SMAD1: variants seen among roughly 807,000 people sequenced by gnomAD.
SMAD1 encodes SMAD family member 1.
In SMAD1, 6 loss-of-function variants were observed where a neutral mutation model predicts 41.6. That is an observed-to-expected ratio of 0.14 (90% CI 0.08 to 0.28). The LOEUF (loss-of-function observed/expected upper bound fraction) is 0.28. SMAD1 is among the 10% of genes least tolerant of loss of function. The pLI, the probability that SMAD1 is intolerant of heterozygous loss-of-function variation, is 1.00. For synonymous variants in SMAD1, 206 were observed against 203.2 expected (o/e 1.01, Z -0.12); for missense variants, 379 against 582.6 (o/e 0.65, Z 3.60).
At chr4:145,536,278 A>G (rs777123976) in intron 2 of SMAD1, among the ~76,000 whole-genome samples, 9 of 152,166 alleles carry the variant, frequency 5.9e-5, no homozygotes, top group Non-Finnish European at 1.0e-4. Context: ...CAGTAGACAT[A>G]CAGAAGACAG....
At position 145,558,486 on chromosome 4, in the gene SMAD1, C is replaced by T. The variant is rs1732968397; in HGVS notation, c.*552C>T. Among the ~76,000 whole-genome samples, 3 of 152,062 alleles carry T rather than the reference C, an allele frequency of 2.0e-5. No individual in the cohort carries two copies. The South Asian group carries it at 6.2e-4, about 32-fold the overall frequency. On this transcript the variant is annotated 3_prime_UTR_variant, in exon 7 of 7. Coordinates refer to ENST00000302085, the MANE Select transcript of SMAD1 (RefSeq NM_005900.3). Reference sequence around the variant, plus strand: ...TAATCTTTCTAAAATTGTATGCTGACCATACTTGCTGTCAGAATAATGCTA... The same window carrying T: ...TAATCTTTCTAAAATTGTATGCTGATCATACTTGCTGTCAGAATAATGCTA...
intron 2 of SMAD1, among the ~76,000 whole-genome samples, chr4:145,528,965 G>A (rs1731178906): frequency 6.6e-6 from 1 of 152,196 alleles, no homozygotes; most frequent in Admixed American, 6.5e-5. Context: ...CCTAGGATCA[G>A]AGTTGTTCAG....
chr4:145,527,316 C>T (rs893913287), intron 2 of SMAD1, among the ~76,000 whole-genome samples: 5 of 151,352 alleles, frequency 3.3e-5, no homozygotes, highest in Non-Finnish European at 5.9e-5. Flanking sequence ...CTCCGCCTCC[C>T]GGGTTCACGC....
At chr4:145,505,051 T>C (rs1257072985) in intron 1 of SMAD1, among the ~76,000 whole-genome samples, 1 of 152,230 alleles carries the variant, frequency 6.6e-6, no homozygotes, top group Non-Finnish European at 1.5e-5. Flanking sequence ...ATTTTTCAGG[T>C]GTCTTTATTA....
rs1272555677 is a variant in SMAD1, at chr4:145,481,996, C to A, written c.-219C>A. 1 of 152,014 alleles carries A rather than the reference C, an allele frequency of 6.6e-6. No homozygotes were observed. Among genetic ancestry groups the A allele is most frequent in the East Asian group, 1.9e-4 (1 of 5,146 alleles). The allele number at this position is 152,014 out of a possible 1,614,324, so 9.4% of individuals were successfully genotyped here. A position where few individuals can be genotyped will look rare whatever the true frequency, so the allele number is the denominator to read the frequency against. The stretch of plus-strand genomic sequence containing the variant: ...CCCGGGCCGCGAGACCCCGCTCGCC[C>A]GGCCACTCGTGCTCCCACACGGACG... On this transcript the variant is annotated 5_prime_UTR_variant, in exon 1 of 7. Transcript: ENST00000302085.
chr4:145,505,488 G>A (rs1729716878), intron 1 of SMAD1, among the ~76,000 whole-genome samples: 1 of 151,992 alleles, frequency 6.6e-6, no homozygotes, highest in Non-Finnish European at 1.5e-5. Context: ...GCGTGGTGGT[G>A]GGCACCTGTA....
In SMAD1 at chr4:145,505,767, G is replaced by A. The variant is rs76707645; in HGVS notation, c.-176-8671G>A. Among the ~76,000 whole-genome samples, 650 of 152,146 alleles carry A rather than the reference G, an allele frequency of 4.3e-3. 10 individuals carry two copies. Among genetic ancestry groups the A allele is most frequent in the East Asian group, 0.04 (207 of 5,186 alleles). ...CTATCTGTTTAAGAATATATCTGGC[G>A]ATGTAAGTCTGGAAATACGCACTTA... is the stretch of plus-strand genomic sequence containing the variant. On this transcript the variant is annotated intron_variant, in intron 1 of 6. Transcript: ENST00000302085.
intron 6 of SMAD1, among the ~76,000 whole-genome samples, chr4:145,556,024 TTATTA>T (rs1195846704): frequency 5.6e-4 from 86 of 152,286 alleles, no homozygotes; most frequent in African/African-American, 2.0e-3. Context: ...AAACTGTTCT[TTATTA>T]TAAGGACTGC....
chr4:145,504,436 A>C (rs948674374), intron 1 of SMAD1, among the ~76,000 whole-genome samples: 6 of 152,358 alleles, frequency 3.9e-5, no homozygotes, highest in African/African-American at 1.4e-4. Context: ...CCTTAAGGGT[A>C]GATATTTATC....
At chr4:145,512,459 AT>A (rs763088624) in intron 1 of SMAD1, among the ~76,000 whole-genome samples, 1 of 152,068 alleles carries the variant, frequency 6.6e-6, no homozygotes, top group East Asian at 1.9e-4. Flanking sequence ...TAGTATGAGC[AT>A]TTTTTACCAG....
At chr4:145,493,241 A>G (rs1426006463) in intron 1 of SMAD1, among the ~76,000 whole-genome samples, 1 of 152,158 alleles carries the variant, frequency 6.6e-6, no homozygotes, top group Non-Finnish European at 1.5e-5. Flanking sequence ...AATGCCAGGA[A>G]AATCGGTCTT....
intron 1 of SMAD1, among the ~76,000 whole-genome samples, chr4:145,509,432 G>C (rs1055932695): frequency 1.1e-4 from 17 of 152,074 alleles, no homozygotes; most frequent in Non-Finnish European, 7.3e-5. Context: ...TATATAATAC[G>C]TTGCCCAACA....
chr4:145,487,142 C>T (rs1578729955), intron 1 of SMAD1, among the ~76,000 whole-genome samples: 1 of 152,128 alleles, frequency 6.6e-6, no homozygotes, highest in Middle Eastern at 3.4e-3. Context: ...ATCAATGAGA[C>T]CTTATTAGAA....
rs397938427 is a variant in SMAD1, at chr4:145,495,779, C to CTT, written c.-177+13759_-177+13760dup. ...TACAGGCATGCACCACAGTGCTTGGCTTTTTTTTTTTTTTTTTTTAAATAA... is the reference window on the plus strand; with the variant it reads ...TACAGGCATGCACCACAGTGCTTGGCTTTTTTTTTTTTTTTTTTTTTAAATAA... On this transcript the variant is annotated intron_variant, in intron 1 of 6. Transcript: ENST00000302085. Among the ~76,000 whole-genome samples the CTT allele has an allele frequency of 4.6e-4, 54 of 117,464 alleles. 1 individual carries two copies. The highest frequency in any genetic ancestry group is 9.4e-4 in the East Asian group (4 of 4,236). The allele number at this position is 117,464 out of a possible 152,430, so 77.1% of individuals were successfully genotyped here.
intron 1 of SMAD1, among the ~76,000 whole-genome samples, chr4:145,492,277 G>T (rs1728812151): frequency 6.6e-6 from 1 of 152,158 alleles, no homozygotes; most frequent in East Asian, 1.9e-4. Flanking sequence ...TGAAGGTTCA[G>T]TCCCACCCAC....
intron 5 of SMAD1, among the ~76,000 whole-genome samples, chr4:145,549,210 A>G (rs954246827): frequency 1.3e-5 from 2 of 152,196 alleles, no homozygotes; most frequent in East Asian, 3.8e-4. Context: ...CAGGAGAAAA[A>G]ATATTAATAC....
intron 5 of SMAD1, among the ~76,000 whole-genome samples, chr4:145,552,405 G>A (rs1327786457): frequency 6.6e-6 from 1 of 152,134 alleles, no homozygotes; most frequent in Admixed American, 6.5e-5. Context: ...AAACCCACAT[G>A]GGATCTAACG....
rs528604696 is a variant in SMAD1, at chr4:145,482,610, C to T, written c.-177+572C>T. Reference sequence around the variant, plus strand: ...GGGGACCCCGGCGCCCCGGGCCCCTCCACATCCCGCACGGGTTTTCTTCTC... The same window carrying T: ...GGGGACCCCGGCGCCCCGGGCCCCTTCACATCCCGCACGGGTTTTCTTCTC... On this transcript the variant is annotated intron_variant, in intron 1 of 6. Coordinates refer to ENST00000302085, the MANE Select transcript of SMAD1 (RefSeq NM_005900.3). The surrounding 1 kb of genome is among the most constrained non-coding windows in gnomAD (Gnocchi z 4.2). 2 of 152,224 alleles carry T rather than the reference C, an allele frequency of 1.3e-5. No homozygotes were observed. Among genetic ancestry groups the T allele is most frequent in the African/African-American group, 4.8e-5 (2 of 41,448 alleles). 9.4% of individuals were successfully genotyped at this position (152,224 alleles called of 1,614,324 possible).
chr4:145,481,310 T>C (rs1728160440), upstream of SMAD1: 1 of 152,058 alleles, frequency 6.6e-6, no homozygotes, highest in South Asian at 2.1e-4. Context: ...GCTATCCAAT[T>C]CTGGGTACGT....
Sources: allele counts gnomAD v4.1 joint callset (sites outside exome capture counted in the v4.1 genomes callset), GRCh38; gene constraint gnomAD v4.1.1; non-coding constraint Gnocchi (gnomAD v3.1); transcripts MANE v1.5; gene names NCBI Gene and HGNC (gene_info 2026-07-23, HGNC 2026-07-21).